MARVELD3: variants seen among roughly 807,000 people sequenced by gnomAD.
MARVELD3 encodes MARVEL domain containing 3.
MARVELD3 carries 28 observed loss-of-function variants against 33.5 expected under a neutral mutation model. The observed-to-expected ratio is 0.84, with a 90% CI of 0.62 to 1.15. The LOEUF (loss-of-function observed/expected upper bound fraction) is 1.15. Ranked by LOEUF, MARVELD3 falls within the 50% of genes most tolerant of loss-of-function variation. The probability of loss-of-function intolerance (pLI) is 0.00; values close to 1 mark genes in which losing one functional copy is unlikely to be tolerated. For synonymous variants in MARVELD3, 241 were observed against 230.4 expected (o/e 1.05, Z -0.42); for missense variants, 582 against 547.6 (o/e 1.06, Z -0.63).
intron 1 of MARVELD3, among the ~76,000 whole-genome samples, chr16:71,627,259 T>C (rs967770666): frequency 6.6e-6 from 1 of 152,144 alleles, no homozygotes; most frequent in Non-Finnish European, 1.5e-5. Context: ...TCCCAACACT[T>C]TGGGAGGCCG....
intron 1 of MARVELD3, 28 bp from the exon 2 acceptor site, chr16:71,629,339 A>C (rs904714924): frequency 1.3e-6 from 2 of 1,519,062 alleles, no homozygotes; most frequent in Non-Finnish European, 1.7e-6. Flanking sequence ...GACACCCCCT[A>C]ATGACCATGT....
downstream of MARVELD3, chr16:71,638,241 T>G (rs904058377): frequency 6.6e-6 from 1 of 152,240 alleles, no homozygotes; most frequent in African/African-American, 2.4e-5. Flanking sequence ...TGGCTTCCTC[T>G]GCCTCGTGCC....
At chr16:71,638,492 T>C (rs561678129), downstream of MARVELD3, 15 of 152,692 alleles carry the variant, frequency 9.8e-5, no homozygotes, top group African/African-American at 3.4e-4. Context: ...TTAAATGTGC[T>C]TTTTATTTGC....
At position 71,635,656 on chromosome 16, in the gene MARVELD3, A is replaced by G; in HGVS notation, c.*853A>G. The G allele has an allele frequency of 4.1e-6, 4 of 985,190 alleles. No homozygotes were observed. The South Asian group carries it at 1.4e-4, about 35-fold the overall frequency. 61.0% of individuals were successfully genotyped at this position (985,190 alleles called of 1,614,324 possible). ...TCATGGAGAGCCACATAGACATGAG[A>G]CCACACTTCAGCCTGAATTTTTCTA... is the stretch of plus-strand genomic sequence containing the variant. On this transcript the variant is annotated 3_prime_UTR_variant, in exon 3 of 3. Transcript: ENST00000268485.
downstream of MARVELD3, chr16:71,640,574 G>A (rs776752330): frequency 3.7e-6 from 6 of 1,614,070 alleles, no homozygotes; most frequent in East Asian, 4.5e-5. Flanking sequence ...AGCAGTACAC[G>A]ATCCTCCGCT....
intron 2 of MARVELD3, among the ~76,000 whole-genome samples, chr16:71,630,666 T>C (rs1053156857): frequency 2.6e-5 from 4 of 151,386 alleles, no homozygotes; most frequent in Non-Finnish European, 5.9e-5. Flanking sequence ...TATATATATA[T>C]ATACACACAC....
In MARVELD3 at chr16:71,634,298, G is replaced by T; in HGVS notation, c.701G>T (p.Gly234Val). ...TACACGGGCATCACCAGCTTGGGGG[G>T]CATTTACTACTATCAGTTCGGAGGG... ...GGYTGITSLGGIYYYQFGGAY... is the reference protein window; with the variant it reads ...GGYTGITSLGVIYYYQFGGAY... The change falls in exon 3 of 3, where the codon GGC becomes GTC. Residue 234 changes from glycine to valine, a missense_variant. Transcript: ENST00000268485. The T allele has an allele frequency of 2.5e-6, 4 of 1,614,180 alleles. No individual in the cohort carries two copies. The highest frequency in any genetic ancestry group is 3.4e-6 in the Non-Finnish European group (4 of 1,180,038).
intron 2 of MARVELD3, 65 bp from the exon 3 acceptor site, chr16:71,634,128 C>A: frequency 6.5e-7 from 1 of 1,547,320 alleles, no homozygotes; most frequent in East Asian, 2.3e-5. Flanking sequence ...AGGTGGGCCT[C>A]AGGTGGAAGA....
At position 71,626,352 on chromosome 16, in the gene MARVELD3, G is replaced by A. The variant is rs548945095; in HGVS notation, c.123G>A (p.Pro41=). 8.1e-4 allele frequency: 1,260 copies of A among 1,548,076 alleles called. 19 individuals carry two copies. In the South Asian group the frequency reaches 0.014, roughly 17 times the overall value. The change falls in exon 1 of 3, where the codon CCG becomes CCA. Residue 41 remains proline, a synonymous_variant. Transcript: ENST00000268485. This position sits in a 1 kb window ranked among gnomAD's most constrained non-coding sequence, Gnocchi z 5.3. ...HDRPRDRPGD[P]RRKRSSDGNR... ...GACCGCGGGACCGACCCGGGGACCC[G>A]CGCAGGAAGCGAAGCAGCGACGGGA...
intron 2 of MARVELD3, among the ~76,000 whole-genome samples, chr16:71,633,207 C>T (rs918353191): frequency 2.0e-5 from 3 of 151,722 alleles, no homozygotes; most frequent in African/African-American, 7.3e-5. Context: ...CGAGAAAATA[C>T]AAAAATTAGC....
At position 71,635,905 on chromosome 16, in the gene MARVELD3, G is replaced by C; in HGVS notation, c.*1102G>C. On this transcript the variant is annotated 3_prime_UTR_variant, in exon 3 of 3. Transcript: ENST00000268485. ...CAAGCCCCTTACAGTGGCCCTGAAAGCTCAATAAGTGTTTTGTACCTCTTG... is the reference window on the plus strand; with the variant it reads ...CAAGCCCCTTACAGTGGCCCTGAAACCTCAATAAGTGTTTTGTACCTCTTG... 1 of 985,374 alleles carries C rather than the reference G, an allele frequency of 1.0e-6. No individual in the cohort carries two copies. The highest frequency in any genetic ancestry group is 1.2e-6 in the Non-Finnish European group (1 of 829,924). The allele number at this position is 985,374 out of a possible 1,614,324, so 61.0% of individuals were successfully genotyped here.
In MARVELD3 at chr16:71,636,206, T is replaced by C; in HGVS notation, c.*1403T>C. The C allele has an allele frequency of 1.1e-6, 1 of 946,336 alleles. No homozygotes were observed. Among genetic ancestry groups the C allele is most frequent in the Non-Finnish European group, 1.3e-6 (1 of 793,962 alleles). The allele number at this position is 946,336 out of a possible 1,614,324, so 58.6% of individuals were successfully genotyped here. On this transcript the variant is annotated 3_prime_UTR_variant, in exon 3 of 3. Coordinates refer to ENST00000268485, the MANE Select transcript of MARVELD3 (RefSeq NM_052858.6). ...CAATAAAAAATCCAAAGAATTTTAATTTGGAGTTGATGTCCTCTTTACAAT... is the reference window on the plus strand; with the variant it reads ...CAATAAAAAATCCAAAGAATTTTAACTTGGAGTTGATGTCCTCTTTACAAT...
At chr16:71,633,184 A>C (rs1335181091) in intron 2 of MARVELD3, among the ~76,000 whole-genome samples, 1 of 151,760 alleles carries the variant, frequency 6.6e-6, no homozygotes, top group Non-Finnish European at 1.5e-5. Flanking sequence ...GCAACACAGC[A>C]AGACCTTTAT....
rs2044569946 is a variant in MARVELD3 at position 71,634,993 on chromosome 16, G to C, written c.*190G>C. ...GATGCAACAGACCCTGGCTTCTGGAGTCCTCTGTGAGTGAGGGACCAATCA... is the reference window on the plus strand; with the variant it reads ...GATGCAACAGACCCTGGCTTCTGGACTCCTCTGTGAGTGAGGGACCAATCA... On this transcript the variant is annotated 3_prime_UTR_variant, in exon 3 of 3. Transcript: ENST00000268485. The C allele has an allele frequency of 7.3e-7, 1 of 1,375,034 alleles. No homozygotes were observed. The highest frequency in any genetic ancestry group is 3.1e-5 in the Admixed American group (1 of 32,424). The allele number at this position is 1,375,034 out of a possible 1,614,324, so 85.2% of individuals were successfully genotyped here.
chr16:71,630,273 T>C (rs757682568), intron 2 of MARVELD3, among the ~76,000 whole-genome samples: 2 of 151,240 alleles, frequency 1.3e-5, no homozygotes, highest in Non-Finnish European at 2.9e-5. Flanking sequence ...GTCACTGCAC[T>C]CCAGCCTGGG....
chr16:71,636,200 T>C lies in MARVELD3; in HGVS notation c.*1397T>C, dbSNP rs1160492422. ...TGAATCCAATAAAAAATCCAAAGAA[T>C]TTTAATTTGGAGTTGATGTCCTCTT... On this transcript the variant is annotated 3_prime_UTR_variant, in exon 3 of 3. Transcript: ENST00000268485. 9.3e-6 allele frequency: 9 copies of C among 962,792 alleles called. No individual in the cohort carries two copies. Among genetic ancestry groups the C allele is most frequent in the Non-Finnish European group, 1.1e-5 (9 of 809,182 alleles). The allele number at this position is 962,792 out of a possible 1,614,324, so 59.6% of individuals were successfully genotyped here.
Position 71,633,756 on chromosome 16 carries a change from C to G in MARVELD3, c.596-437C>G, listed in dbSNP as rs1403243061. ...ATCACTATGTTGCCCAGGTTAGTCT[C>G]AAACTCCTGGGCTCAAGCAGCCCTC... On this transcript the variant is annotated intron_variant, in intron 2 of 2. Transcript: ENST00000268485. 2.7e-5 allele frequency among the ~76,000 whole-genome samples: 4 copies of G among 147,216 alleles called. 1 individual carries two copies. The highest frequency in any genetic ancestry group is 1.0e-4 in the African/African-American group (4 of 40,028).
chr16:71,634,266 AGG>A lies in MARVELD3; in HGVS notation c.673_674del (p.Gly225LeufsTer23). ...GCAGCTCTGTGTCTTACAGTTCCAC[AGG>A]GGGCTACACGGGCATCACCAGCTTG... ...ACSSVSYSSTGGYTGITSLGG... is the reference protein window; with the variant it reads ...ACSSVSYSSTXGYTGITSLGG... On this transcript the variant is annotated frameshift_variant, in exon 3 of 3. Coordinates refer to ENST00000268485, the MANE Select transcript of MARVELD3 (RefSeq NM_052858.6). LOFTEE classifies it high-confidence loss of function. The A allele has an allele frequency of 1.2e-6, 2 of 1,614,114 alleles. No homozygotes were observed. The highest frequency in any genetic ancestry group is 1.7e-6 in the Non-Finnish European group (2 of 1,180,014).
chr16:71,637,835 T>A (rs892614388), downstream of MARVELD3: 1 of 152,220 alleles, frequency 6.6e-6, no homozygotes, highest in Non-Finnish European at 1.5e-5. Flanking sequence ...AGCGTCACTA[T>A]CCATTTGTAC....
Sources: allele counts gnomAD v4.1 joint callset (sites outside exome capture counted in the v4.1 genomes callset), GRCh38; gene constraint gnomAD v4.1.1; non-coding constraint Gnocchi (gnomAD v3.1); transcripts MANE v1.5; gene names NCBI Gene and HGNC (gene_info 2026-07-23, HGNC 2026-07-21).